Variants in ANKRD30A observed in about 807,000 individuals in gnomAD.
The protein encoded by ANKRD30A is ankyrin repeat domain-containing protein 30A.
ANKRD30A carries 170 observed loss-of-function variants against 166.3 expected under a neutral mutation model. The ratio of observed to expected loss-of-function variants is 1.02; its 90% CI spans 0.90 to 1.16. The LOEUF (loss-of-function observed/expected upper bound fraction) is 1.16, where lower values mean the gene tolerates loss of function less well. Among genes scored for constraint, ANKRD30A ranks in the 50% most tolerant of loss-of-function variants. ANKRD30A has a pLI of 0.00. For missense variants in ANKRD30A, 1,630 were observed against 1,518.0 expected, an observed-to-expected ratio of 1.07 and a Z score of -1.23; for synonymous variants, 564 against 508.9, an observed-to-expected ratio of 1.11 and a Z score of -1.46.
chr10:37,130,465 C>T lies in ANKRD30A; in HGVS notation c.510+87C>T. The stretch of plus-strand genomic sequence containing the variant: ...ATGTAAGGTTTTTTATATTTGGAAG[C>T]TCAAACATTCCTTGAATGAAAATAG... On this transcript the variant is annotated intron_variant, in intron 3 of 35. Transcript: ENST00000361713. The T allele has an allele frequency of 4.8e-6, 5 of 1,037,136 alleles. No homozygotes were observed. The South Asian group carries it at 1.5e-4, about 31-fold the overall frequency. 64.2% of individuals were successfully genotyped at this position (1,037,136 alleles called of 1,614,324 possible).
At chr10:37,215,078 G>A (rs999550961) in intron 31 of ANKRD30A, among the ~76,000 whole-genome samples, 76 of 151,524 alleles carry the variant, frequency 5.0e-4, no homozygotes, top group African/African-American at 1.8e-3. Flanking sequence ...GTTTTTAAAA[G>A]TATATTCTAT....
At chr10:37,156,433 A>C (rs557265995) in intron 13 of ANKRD30A, among the ~76,000 whole-genome samples, 2 of 152,140 alleles carry the variant, frequency 1.3e-5, no homozygotes, top group Admixed American at 1.3e-4. Flanking sequence ...ATGAATTTTG[A>C]ACTTCAGGGA....
At position 37,219,236 on chromosome 10, in the gene ANKRD30A, A is replaced by G; in HGVS notation, c.3524A>G (p.Asn1175Ser). The part of the protein sequence containing the change: ...SGQLKVLIAE[N>S]TMLTSKLKEK... The stretch of plus-strand genomic sequence containing the variant: ...CAGCTTAAAGTTCTGATAGCTGAGA[A>G]CACAATGCTCACTTCTAAATTGAAG... The change falls in exon 34 of 36, where the codon AAC becomes AGC. Residue 1175 changes from asparagine (N) to serine (S), a missense_variant. This residue lies in a region of ANKRD30A where 712 missense variants were observed against 629.3 expected (regional missense o/e 1.13). Transcript: ENST00000361713. The G allele has an allele frequency of 6.2e-7, 1 of 1,610,748 alleles. No homozygotes were observed. The highest frequency in any genetic ancestry group is 8.5e-7 in the Non-Finnish European group (1 of 1,177,702).
At chr10:37,138,882 C>T (rs1350271934) in intron 6 of ANKRD30A, among the ~76,000 whole-genome samples, 2 of 152,088 alleles carry the variant, frequency 1.3e-5, no homozygotes, top group African/African-American at 4.8e-5. Context: ...GAGAACGCTG[C>T]AAAGATACTC....
chr10:37,233,829 A>T (rs1049955277), downstream of ANKRD30A, among the ~76,000 whole-genome samples: 1 of 152,062 alleles, frequency 6.6e-6, no homozygotes, highest in African/African-American at 2.4e-5. Flanking sequence ...ATAATACAAA[A>T]GGTGGGTTTT....
intron 35 of ANKRD30A, 89 bp downstream of exon 35, chr10:37,231,769 C>T (rs1005323680): frequency 4.6e-6 from 1 of 218,148 alleles, no homozygotes; most frequent in African/African-American, 2.3e-5. Context: ...TTAATTGACT[C>T]ACGTGTGTTA....
chr10:37,233,065 A>G (rs559936165), downstream of ANKRD30A, among the ~76,000 whole-genome samples: 65 of 152,122 alleles, frequency 4.3e-4, no homozygotes, highest in Non-Finnish European at 8.1e-4. Context: ...TAATGCAGAG[A>G]AAAATAGTGT....
At chr10:37,147,158 G>A (rs984888688) in intron 8 of ANKRD30A, among the ~76,000 whole-genome samples, 5 of 152,230 alleles carry the variant, frequency 3.3e-5, no homozygotes, top group African/African-American at 7.2e-5. Flanking sequence ...CTCAGTAACC[G>A]AGTCAATAGC....
the ANKRD30A span, among the ~76,000 whole-genome samples, chr10:37,243,050 A>G: frequency 2.0e-5 from 3 of 152,000 alleles, no homozygotes; most frequent in Non-Finnish European, 4.4e-5. Flanking sequence ...AAAATAGACT[A>G]GTAATTGTAT....
chr10:37,162,091 C>A (rs1327728837), intron 15 of ANKRD30A, among the ~76,000 whole-genome samples: 4 of 151,900 alleles, frequency 2.6e-5, no homozygotes, highest in African/African-American at 9.7e-5. Context: ...ATTCAGACAG[C>A]TAAAGTAGAG....
intron 31 of ANKRD30A, among the ~76,000 whole-genome samples, chr10:37,211,590 A>T (rs555809110): frequency 6.6e-6 from 1 of 152,274 alleles, no homozygotes; most frequent in South Asian, 2.1e-4. Flanking sequence ...GCTGCAATAA[A>T]CATATGTGTG....
intron 1 of ANKRD30A, 118 bp downstream of exon 1, chr10:37,126,126 G>C (rs1225231661): frequency 4.3e-5 from 45 of 1,038,932 alleles, no homozygotes; most frequent in Non-Finnish European, 6.2e-5. Flanking sequence ...GAGGAGTAAC[G>C]GGCAGCGGGG....
At chr10:37,209,457 A>T (rs1414613090) in intron 31 of ANKRD30A, among the ~76,000 whole-genome samples, 1 of 152,160 alleles carries the variant, frequency 6.6e-6, no homozygotes, top group South Asian at 2.1e-4. Flanking sequence ...TGCATGTTTA[A>T]ATGACCAATA....
In ANKRD30A at chr10:37,193,102, T is replaced by G; in HGVS notation, c.2541+10T>G. The G allele has an allele frequency of 1.9e-6, 3 of 1,604,546 alleles. No individual in the cohort carries two copies. The highest frequency in any genetic ancestry group is 2.6e-6 in the Non-Finnish European group (3 of 1,172,236). ...TGATGGTTTTCTGAAGGTAATAACT[T>G]TTATATTTTTATCTTGAGTATTAAC... On this transcript the variant is annotated intron_variant, in intron 26 of 35. Transcript: ENST00000361713.
the ANKRD30A span, among the ~76,000 whole-genome samples, chr10:37,253,390 G>GT: frequency 1.8e-4 from 27 of 152,136 alleles, no homozygotes; most frequent in Admixed American, 5.9e-4. Context: ...CAATTGTATA[G>GT]TTTTTTAAAC....
intron 13 of ANKRD30A, among the ~76,000 whole-genome samples, chr10:37,157,754 C>T (rs1337121151): frequency 1.3e-5 from 2 of 151,866 alleles, no homozygotes; most frequent in Non-Finnish European, 2.9e-5. Context: ...ACTAGAGAAC[C>T]CTATGAATGT....
chr10:37,141,996 G>C lies in ANKRD30A; in HGVS notation c.1099G>C (p.Glu367Gln). 1 of 1,614,114 alleles carries C rather than the reference G, an allele frequency of 6.2e-7. No homozygotes were observed. The highest frequency in any genetic ancestry group is 8.5e-7 in the Non-Finnish European group (1 of 1,179,980). Reference sequence around the variant, plus strand: ...TAGGGAAATTACGAGTCCTGCAAAAGAAACATCTGAGAAATTTACGTGGCC... The same window carrying C: ...TAGGGAAATTACGAGTCCTGCAAAACAAACATCTGAGAAATTTACGTGGCC... ...TPREITSPAK[E>Q]TSEKFTWPAK... The change falls in exon 7 of 36, where the codon GAA becomes CAA. Residue 367 changes from glutamate (E) to glutamine (Q), a missense_variant. By Grantham distance (29) the Glu-to-Gln change is conservative. This residue lies in a region of ANKRD30A where 904 missense variants were observed against 818.5 expected (regional missense o/e 1.10). Coordinates refer to ENST00000361713, the MANE Select transcript of ANKRD30A (RefSeq NM_052997.3).
chr10:37,225,935 C>T (rs1455859720), intron 34 of ANKRD30A, among the ~76,000 whole-genome samples: 3 of 151,614 alleles, frequency 2.0e-5, no homozygotes, highest in Non-Finnish European at 4.4e-5. Flanking sequence ...AAAAATTCGG[C>T]ATTCTTTGTC....
chr10:37,149,584 C>G (rs1393836482), intron 9 of ANKRD30A, 67 bp from the exon 10 acceptor site: 1 of 1,530,574 alleles, frequency 6.5e-7, no homozygotes, highest in Non-Finnish European at 9.0e-7. Context: ...CATACTATGA[C>G]TGCATTCATT....
Sources: allele counts gnomAD v4.1 joint callset (sites outside exome capture counted in the v4.1 genomes callset), GRCh38; gene constraint gnomAD v4.1.1; regional missense constraint gnomAD v4.1.1; transcripts MANE v1.5; gene names NCBI Gene and HGNC (gene_info 2026-07-23, HGNC 2026-07-21).